The following ALDH8A1 variants were observed in gnomAD, a reference collection of about 807,000 sequenced individuals.
ALDH8A1 encodes 2-aminomuconic semialdehyde dehydrogenase.
In ALDH8A1, 39 loss-of-function variants were observed where a neutral mutation model predicts 43.3. The observed-to-expected ratio is 0.90, with a 90% CI of 0.70 to 1.18. The LOEUF (loss-of-function observed/expected upper bound fraction) is 1.18, where lower values mean the gene tolerates loss of function less well. ALDH8A1 is among the 50% of genes most tolerant of loss of function. The pLI, the probability that ALDH8A1 is intolerant of heterozygous loss-of-function variation, is 0.00. For missense variants in ALDH8A1, 605 were observed against 622.6 expected (o/e 0.97, Z 0.30); for synonymous variants, 233 against 243.5 (o/e 0.96, Z 0.40).
chr6:134,939,882 C>T (rs1183780461), intron 3 of ALDH8A1, among the ~76,000 whole-genome samples: 1 of 152,146 alleles, frequency 6.6e-6, no homozygotes, highest in African/African-American at 2.4e-5. Flanking sequence ...CAATGGAATA[C>T]AATGCAGCCA....
chr6:134,935,315 G>A (rs1167122739), intron 4 of ALDH8A1, among the ~76,000 whole-genome samples: 1 of 152,188 alleles, frequency 6.6e-6, no homozygotes, highest in Non-Finnish European at 1.5e-5. Context: ...TTAGGATGTA[G>A]GTAGTTTTAT....
In ALDH8A1 at chr6:134,918,245, G is replaced by T; in HGVS notation, c.*170C>A. 1 of 634,462 alleles carries T rather than the reference G, an allele frequency of 1.6e-6. No homozygotes were observed. The highest frequency in any genetic ancestry group is 2.7e-6 in the Non-Finnish European group (1 of 369,022). The allele number at this position is 634,462 out of a possible 1,614,324, so 39.3% of individuals were successfully genotyped here. The stretch of plus-strand genomic sequence containing the variant: ...TCCGAGTCCACATTGAAAATAGACA[G>T]TATCTCTTCACTAGTGGGTAAAGTT... On this transcript the variant is annotated 3_prime_UTR_variant, in exon 7 of 7. Transcript: ENST00000265605.
chr6:134,922,761 G>C (rs1221522755), intron 6 of ALDH8A1, among the ~76,000 whole-genome samples: 3 of 152,144 alleles, frequency 2.0e-5, no homozygotes, highest in African/African-American at 7.2e-5. Flanking sequence ...AGCTTTCTGA[G>C]ATGAGTGCAA....
At chr6:134,949,773 T>C (rs1774011991) in intron 1 of ALDH8A1, 143 bp downstream of exon 1, 1 of 937,878 alleles carries the variant, frequency 1.1e-6, no homozygotes, top group South Asian at 2.7e-5. Flanking sequence ...ACAAGGTACA[T>C]CTTCTGAGAA....
Position 134,918,417 on chromosome 6 carries a change from A to G in ALDH8A1, c.1462T>C (p.Ter488ArgextTer53), listed in dbSNP as rs759946060. ...AGTGGCTCCACCATTAGCAAAGATCAGTGTTTAACGGTGATGGTTTTGATC... is the reference window on the plus strand; with the variant it reads ...AGTGGCTCCACCATTAGCAAAGATCGGTGTTTAACGGTGATGGTTTTGATC... ...TEIKTITVKH[*>R] is the part of the protein sequence containing the mutation. Residue 488 changes from the stop codon to arginine (R), a stop_lost, in exon 7 of 7, where the codon TGA (stop) becomes CGA (arginine). Coordinates refer to ENST00000265605, the MANE Select transcript of ALDH8A1 (RefSeq NM_022568.4). 6.2e-7 allele frequency: 1 copy of G among 1,612,904 alleles called. No individual in the cohort carries two copies. The highest frequency in any genetic ancestry group is 1.7e-5 in the Admixed American group (1 of 59,966).
chr6:134,929,043 A>G lies in ALDH8A1; in HGVS notation c.1011+11T>C, dbSNP rs778375690. On this transcript the variant is annotated intron_variant, in intron 6 of 6. Coordinates refer to ENST00000265605, the MANE Select transcript of ALDH8A1 (RefSeq NM_022568.4). ...CTTATTCTGTAACTTACATGGCAGAAATTTACTTACTTTCTCCAAATGTGC... is the reference window on the plus strand; with the variant it reads ...CTTATTCTGTAACTTACATGGCAGAGATTTACTTACTTTCTCCAAATGTGC... The G allele has an allele frequency of 6.2e-7, 1 of 1,613,024 alleles. No homozygotes were observed. The highest frequency in any genetic ancestry group is 8.5e-7 in the Non-Finnish European group (1 of 1,179,518).
At chr6:134,940,715 C>T (rs1021303093) in intron 3 of ALDH8A1, among the ~76,000 whole-genome samples, 3 of 152,140 alleles carry the variant, frequency 2.0e-5, no homozygotes, top group Admixed American at 6.5e-5. Context: ...AAAAATCTAC[C>T]TTCTGAAAGG....
At chr6:134,924,211 T>C (rs989368308) in intron 6 of ALDH8A1, among the ~76,000 whole-genome samples, 8 of 152,236 alleles carry the variant, frequency 5.3e-5, no homozygotes, top group African/African-American at 1.4e-4. Context: ...CTCCCACCTG[T>C]ATGCCGGTGC....
chr6:134,943,842 G>T lies in ALDH8A1; in HGVS notation c.263C>A (p.Ala88Asp). 1 of 1,614,196 alleles carries T rather than the reference G, an allele frequency of 6.2e-7. No individual in the cohort carries two copies. The highest frequency in any genetic ancestry group is 8.5e-7 in the Non-Finnish European group (1 of 1,180,024). ...ACCTTGGTCTTTAGACTCGGCCTGG[G>T]CAAACTCCTCCAGGGACTGCTCCAG... ...DLLEQSLEEF[A>D]QAESKDQGKT... Residue 88 changes from alanine to aspartate, a missense_variant, in exon 2 of 7, where the codon GCC becomes GAC. Ala to Asp is a moderately radical substitution (Grantham distance 126, BLOSUM62 -2). Transcript: ENST00000265605.
At chr6:134,946,315 G>A (rs1489915849) in intron 1 of ALDH8A1, among the ~76,000 whole-genome samples, 1 of 152,188 alleles carries the variant, frequency 6.6e-6, no homozygotes, top group Non-Finnish European at 1.5e-5. Flanking sequence ...ACCAGCTGCA[G>A]CCATGAGGAA....
intron 4 of ALDH8A1, among the ~76,000 whole-genome samples, chr6:134,934,316 T>C (rs1372298310): frequency 6.6e-6 from 1 of 152,162 alleles, no homozygotes; most frequent in Non-Finnish European, 1.5e-5. Context: ...CTTTCCTCAG[T>C]GTAAGCAGAA....
At chr6:134,935,337 C>G (rs1290113491) in intron 4 of ALDH8A1, among the ~76,000 whole-genome samples, 3 of 152,152 alleles carry the variant, frequency 2.0e-5, no homozygotes, top group African/African-American at 7.2e-5. Context: ...ACACTTAGTT[C>G]ACCAGGAAGA....
At chr6:134,931,557 T>C (rs960679289) in intron 5 of ALDH8A1, among the ~76,000 whole-genome samples, 1 of 152,162 alleles carries the variant, frequency 6.6e-6, no homozygotes, top group Non-Finnish European at 1.5e-5. Flanking sequence ...TGAGCCACCA[T>C]GCCTGGACCC....
At chr6:134,943,712 T>C (rs929818180) in intron 2 of ALDH8A1, 107 bp downstream of exon 2, 1 of 1,470,536 alleles carries the variant, frequency 6.8e-7, no homozygotes, top group Non-Finnish European at 9.2e-7. Flanking sequence ...ACTTCTACTA[T>C]TGCCAGAGGA....
At position 134,940,484 on chromosome 6, in the gene ALDH8A1, T is replaced by G. The variant is rs183779169; in HGVS notation, c.443-1069A>C. On this transcript the variant is annotated intron_variant, in intron 3 of 6. Coordinates refer to ENST00000265605, the MANE Select transcript of ALDH8A1 (RefSeq NM_022568.4). The stretch of plus-strand genomic sequence containing the variant: ...GCCAATGAGTTCTGAGTGTTCCATG[T>G]GAGGGCCCTCCTATCAGTAAAGCCA... Among the ~76,000 whole-genome samples the G allele has an allele frequency of 2.6e-5, 4 of 152,328 alleles. No homozygotes were observed. The East Asian group carries it at 7.7e-4, about 29-fold the overall frequency.
In ALDH8A1 at chr6:134,929,341, G is replaced by A; in HGVS notation, c.850-126C>T. On this transcript the variant is annotated intron_variant, in intron 5 of 6. Coordinates refer to ENST00000265605, the MANE Select transcript of ALDH8A1 (RefSeq NM_022568.4). ...GGCAATGGGGTACAATGGTAAATAA[G>A]ACAAAGTTCCCACCATGTGGAACAC... The A allele has an allele frequency of 7.5e-6, 7 of 929,776 alleles. No individual in the cohort carries two copies. In the South Asian group the frequency reaches 1.5e-4, roughly 20 times the overall value. 57.6% of individuals were successfully genotyped at this position (929,776 alleles called of 1,614,324 possible).
chr6:134,922,793 T>C (rs182390489), intron 6 of ALDH8A1, among the ~76,000 whole-genome samples: 18 of 152,298 alleles, frequency 1.2e-4, no homozygotes, highest in African/African-American at 3.6e-4. Context: ...ATACTTAGTT[T>C]TAATAAGAAT....
chr6:134,945,088 A>T (rs1002359620), intron 1 of ALDH8A1, among the ~76,000 whole-genome samples: 1 of 151,958 alleles, frequency 6.6e-6, no homozygotes, highest in African/African-American at 2.4e-5. Context: ...ACTTGAAATG[A>T]CTAATTATAT....
At chr6:134,937,849 T>C (rs1469984967) in intron 4 of ALDH8A1, among the ~76,000 whole-genome samples, 2 of 152,100 alleles carry the variant, frequency 1.3e-5, no homozygotes, top group Non-Finnish European at 2.9e-5. Flanking sequence ...TTAAATGATA[T>C]ACCCCGCCCC....
Sources: allele counts gnomAD v4.1 joint callset (sites outside exome capture counted in the v4.1 genomes callset), GRCh38; gene constraint gnomAD v4.1.1; transcripts MANE v1.5; gene names NCBI Gene and HGNC (gene_info 2026-07-23, HGNC 2026-07-21).